PLEC: variants seen among roughly 807,000 people sequenced by gnomAD.
The protein encoded by PLEC is plectin, also known as hemidesmosomal protein 1.
A neutral mutation model predicts 392.8 loss-of-function variants in PLEC; 216 were observed. That is an observed-to-expected ratio of 0.55 (90% CI 0.49 to 0.62). The LOEUF is 0.62. PLEC is among the 20% of genes least tolerant of loss of function. The probability of loss-of-function intolerance (pLI) is 0.00; values close to 1 mark genes in which losing one functional copy is unlikely to be tolerated. For missense variants in PLEC, 6,863 were observed against 6,563.4 expected (o/e 1.05, Z -1.58); for synonymous variants, 3,621 against 2,980.6 (o/e 1.21, Z -7.00).
chr8:143,939,256 A>G, intron 1 of PLEC, 94 bp downstream of exon 1: 1 of 1,495,682 alleles, frequency 6.7e-7, no homozygotes, highest in Non-Finnish European at 9.1e-7. Flanking sequence ...CCAGCCCCCC[A>G]GCGGTGCCAA....
Position 143,923,338 on chromosome 8 carries a change from C to G in PLEC, c.6591G>C (p.Glu2197Asp). 1 of 1,610,232 alleles carries G rather than the reference C, an allele frequency of 6.2e-7. No homozygotes were observed. Among genetic ancestry groups the G allele is most frequent in the Non-Finnish European group, 8.5e-7 (1 of 1,179,472 alleles). Residue 2197 changes from glutamate to aspartate, a missense_variant, in exon 31 of 32, where the codon GAG becomes GAC. Coordinates refer to ENST00000345136, the MANE Select transcript of PLEC (RefSeq NM_201384.3). The stretch of plus-strand genomic sequence containing the variant: ...CCAGCAGGTTCTTCTGGTGGTCGGT[C>G]TCCTCCAGCTGCAGCCGCAGTGTTG... ...ELTTLRLQLE[E>D]TDHQKNLLDE...
In PLEC at chr8:143,926,991, T is replaced by A. The variant is rs1564076498; in HGVS notation, c.3931A>T (p.Ser1311Cys). Residue 1311 changes from serine (S) to cysteine (C), a missense_variant, in exon 29 of 32, where the codon AGT (serine) becomes TGT (cysteine). Coordinates refer to ENST00000345136, the MANE Select transcript of PLEC (RefSeq NM_201384.3). ...CCCCACCCTACCTCCTGGATGACAC[T>A]CTCTGATCCCGACTGGACCTTGGGC... is the stretch of plus-strand genomic sequence containing the variant. ...KKPKVQSGSE[S>C]VIQEYVDLRT... 2 of 1,613,084 alleles carry A rather than the reference T, an allele frequency of 1.2e-6. No individual in the cohort carries two copies. The highest frequency in any genetic ancestry group is 1.7e-6 in the Non-Finnish European group (2 of 1,179,872).
chr8:143,952,109 C>G (rs1411946706), upstream of PLEC, among the ~76,000 whole-genome samples: 1 of 152,146 alleles, frequency 6.6e-6, no homozygotes, highest in Admixed American at 6.5e-5. Context: ...CAGCAGCCGG[C>G]AGGCGGCCAA....
At chr8:143,947,222 G>C (rs970494691) in intron 1 of PLEC, among the ~76,000 whole-genome samples, 1 of 152,198 alleles carries the variant, frequency 6.6e-6, no homozygotes, top group Non-Finnish European at 1.5e-5. Flanking sequence ...AGGGTCAAGG[G>C]GGGAGGTCAA....
rs1822026521 is a variant in PLEC at position 143,920,088 on chromosome 8, C to T, written c.9733G>A (p.Gly3245Ser). The change falls in exon 32 of 32, where the codon GGC becomes AGC. Residue 3245 changes from glycine (G) to serine (S), a missense_variant. Gly to Ser is a moderately conservative substitution (Grantham distance 56). Coordinates refer to ENST00000345136, the MANE Select transcript of PLEC (RefSeq NM_201384.3). The stretch of plus-strand genomic sequence containing the variant: ...ACCGTCACCGTCCTGCCCTTGAAGC[C>T]ACCCACGGGGACCTCAACCGGGGTC... Reference protein sequence around the residue: ...EKTPVEVPVGGFKGRTVTVWE... With the variant: ...EKTPVEVPVGSFKGRTVTVWE... 1.2e-6 allele frequency: 2 copies of T among 1,613,112 alleles called. No individual in the cohort carries two copies. The highest frequency in any genetic ancestry group is 1.7e-5 in the Admixed American group (1 of 60,014).
upstream of PLEC, chr8:143,975,041 G>T: frequency 3.1e-6 from 3 of 980,702 alleles, no homozygotes; most frequent in East Asian, 2.5e-5. This position sits in a 1 kb window ranked among gnomAD's most constrained non-coding sequence, Gnocchi z 9.9. Flanking sequence ...CACCTGGGAC[G>T]CGCGAGGCCC....
intron 30 of PLEC, 39 bp from the exon 31 acceptor site, chr8:143,925,923 G>A (rs1457720521): frequency 2.0e-6 from 3 of 1,529,066 alleles, no homozygotes; most frequent in Non-Finnish European, 2.6e-6. Context: ...AGCAGAGAGA[G>A]TGTGAACACG....
At chr8:143,930,103 C>G in intron 21 of PLEC, 41 bp from the exon 22 acceptor site, 1 of 1,601,164 alleles carries the variant, frequency 6.2e-7, no homozygotes, top group Non-Finnish European at 8.5e-7. Context: ...CAGCGCCCCA[C>G]CCGCCTTCCA....
In PLEC at chr8:143,934,329, G is replaced by GGGAGAA; in HGVS notation, c.1157_1158insTTCTCC (p.Ser386_Glu387insSerPro). 1 of 1,612,180 alleles carries GGGAGAA rather than the reference G, an allele frequency of 6.2e-7. No individual in the cohort carries two copies. Among genetic ancestry groups the GGGAGAA allele is most frequent in the East Asian group, 2.2e-5 (1 of 44,872 alleles). ...AGGGCCCCACCCACCTCTCAAACTCGCTGCGGAGCTGCTTCTCCCGCTCCA... is the reference window on the plus strand; with the variant it reads ...AGGGCCCCACCCACCTCTCAAACTCGGGAGAACTGCGGAGCTGCTTCTCCCGCTCCA... On this transcript the variant is annotated inframe_insertion, in exon 11 of 32. Coordinates refer to ENST00000345136, the MANE Select transcript of PLEC (RefSeq NM_201384.3).
At position 143,924,282 on chromosome 8, in the gene PLEC, GCTC is replaced by G; in HGVS notation, c.5644_5646del (p.Glu1882del). On this transcript the variant is annotated inframe_deletion, in exon 31 of 32. Coordinates refer to ENST00000345136, the MANE Select transcript of PLEC (RefSeq NM_201384.3). Reference sequence around the variant, plus strand: ...ATGTCAGCCTTGTGTTGCGCGGCCTGCTCCTCCAGCCGCCGCCGCTGGAAGGCC... The same window carrying G: ...ATGTCAGCCTTGTGTTGCGCGGCCTGCTCCAGCCGCCGCCGCTGGAAGGCC... 1 of 1,595,406 alleles carries G rather than the reference GCTC, an allele frequency of 6.3e-7. No homozygotes were observed. Among genetic ancestry groups the G allele is most frequent in the South Asian group, 1.1e-5 (1 of 90,826 alleles).
chr8:143,954,160 G>A (rs1331775460), upstream of PLEC, among the ~76,000 whole-genome samples: 8 of 151,238 alleles, frequency 5.3e-5, no homozygotes, highest in South Asian at 8.3e-4. The surrounding 1 kb of genome is among the most constrained non-coding windows in gnomAD (Gnocchi z 4.6). Context: ...ACACACGTGC[G>A]AGGGCCTTGA....
upstream of PLEC, among the ~76,000 whole-genome samples, chr8:143,957,890 C>T (rs1249941324): frequency 1.3e-5 from 2 of 149,404 alleles, no homozygotes; most frequent in Admixed American, 6.7e-5. Flanking sequence ...GGGCTGTGAC[C>T]CAGTGACCCC....
chr8:143,936,115 G>A (rs1166523842), intron 5 of PLEC, 101 bp from the exon 6 acceptor site: 1 of 1,386,694 alleles, frequency 7.2e-7, no homozygotes, highest in Non-Finnish European at 1.0e-6. Flanking sequence ...CAGCACCCAG[G>A]GGGAGTGCAT....
At chr8:143,955,594 G>GTT (rs782268602), upstream of PLEC, among the ~76,000 whole-genome samples, 2 of 148,656 alleles carry the variant, frequency 1.3e-5, no homozygotes, top group Admixed American at 6.7e-5. Flanking sequence ...AAAAAATGCT[G>GTT]TTTTTTTTTT....
exon 1 of PLEC, chr8:143,950,308 C>A: frequency 1.3e-6 from 2 of 1,571,976 alleles, no homozygotes; most frequent in Non-Finnish European, 1.7e-6. Flanking sequence ...GCTCCTCCGT[C>A]GGCAGCGGCC....
chr8:143,940,060 G>T (rs1830152274), upstream of PLEC, among the ~76,000 whole-genome samples: 1 of 152,226 alleles, frequency 6.6e-6, no homozygotes, highest in South Asian at 2.1e-4. Context: ...GCGAGGGGAG[G>T]GGACCTGCTG....
Position 143,960,971 on chromosome 8 carries a change from C to T in PLEC, c.70+12432G>A, listed in dbSNP as rs531099524. On this transcript the variant is annotated intron_variant, in intron 1 of 31. Transcript: ENST00000356346. ...GAGGCCTCCCGCTCTGCACGGGGACCGTGACCCACGTCTGGCCATGCAGAG... is the reference window on the plus strand; with the variant it reads ...GAGGCCTCCCGCTCTGCACGGGGACTGTGACCCACGTCTGGCCATGCAGAG... Among the ~76,000 whole-genome samples, 4 of 152,374 alleles carry T rather than the reference C, an allele frequency of 2.6e-5. 1 individual carries two copies. The highest frequency in any genetic ancestry group is 4.1e-4 in the South Asian group (2 of 4,830).
upstream of PLEC, chr8:143,943,632 A>C: frequency 1.4e-6 from 1 of 720,246 alleles, no homozygotes; most frequent in Non-Finnish European, 2.4e-6. Context: ...CAGGGTCTAC[A>C]CTGCAGGGTG....
upstream of PLEC, among the ~76,000 whole-genome samples, chr8:143,940,408 G>A (rs1830230958): frequency 6.6e-6 from 1 of 152,254 alleles, no homozygotes; most frequent in African/African-American, 2.4e-5. Context: ...GACTCACAGA[G>A]GGGAAGCCAC....
Sources: gnomAD v4.1 joint callset for allele counts (sites outside exome capture counted in the v4.1 genomes callset) on GRCh38, gnomAD v4.1.1 for gene constraint, Gnocchi (gnomAD v3.1) non-coding constraint, MANE v1.5 for transcripts, NCBI Gene and HGNC (gene_info 2026-07-23, HGNC 2026-07-21) for gene names.